PPFIA2: variants seen among roughly 807,000 people sequenced by gnomAD.
PPFIA2 encodes the protein liprin-alpha-2.
PPFIA2 carries 46 observed loss-of-function variants against 175.5 expected under a neutral mutation model. The ratio of observed to expected loss-of-function variants is 0.26; its 90% CI spans 0.21 to 0.34. The LOEUF (loss-of-function observed/expected upper bound fraction) is 0.34. PPFIA2 is among the 10% of genes least tolerant of loss of function. The pLI is 1.00. For synonymous variants in PPFIA2, 568 were observed against 511.4 expected, an observed-to-expected ratio of 1.11 and a Z score of -1.49; for missense variants, 1,179 against 1,506.1, an observed-to-expected ratio of 0.78 and a Z score of 3.60.
At chr12:81,697,196 A>C (rs1366111692) in intron 3 of PPFIA2, among the ~76,000 whole-genome samples, 3 of 152,140 alleles carry the variant, frequency 2.0e-5, no homozygotes, top group Non-Finnish European at 4.4e-5. Context: ...ATTCTCTTTC[A>C]ATTGAAAGGA....
intron 2 of PPFIA2, 113 bp downstream of exon 2, chr12:81,758,287 A>C (rs2085000174): frequency 7.0e-6 from 3 of 430,890 alleles, no homozygotes; most frequent in Non-Finnish European, 9.5e-6. Context: ...ACCTAACGGT[A>C]ATCAACAAGG....
intron 8 of PPFIA2, among the ~76,000 whole-genome samples, chr12:81,385,145 A>G (rs1354752518): frequency 1.3e-5 from 2 of 152,168 alleles, no homozygotes; most frequent in African/African-American, 4.8e-5. Flanking sequence ...TGCAAATTAA[A>G]ACCACGATGA....
intron 24 of PPFIA2, among the ~76,000 whole-genome samples, chr12:81,286,667 A>G (rs2043506163): frequency 6.6e-6 from 1 of 152,052 alleles, no homozygotes; most frequent in South Asian, 2.1e-4. Flanking sequence ...ATATATCTGC[A>G]TTAAGTGATA....
rs150002445 is a variant in PPFIA2, at chr12:81,493,585, T to C, written c.304-35719A>G. Among the ~76,000 whole-genome samples the C allele has an allele frequency of 1.6e-4, 24 of 151,658 alleles. 1 individual carries two copies. The East Asian group carries it at 4.7e-3, about 30-fold the overall frequency. On this transcript the variant is annotated intron_variant, in intron 4 of 32. Coordinates refer to ENST00000549396, the MANE Select transcript of PPFIA2 (RefSeq NM_003625.5). ...AATATTGTCAGGTTCACTGAAGAGA[T>C]AGGGGGCAACAGCCTGGGAAGATAC...
chr12:81,564,812 A>T (rs568323826), intron 4 of PPFIA2, among the ~76,000 whole-genome samples: 2 of 152,260 alleles, frequency 1.3e-5, no homozygotes, highest in African/African-American at 4.8e-5. Context: ...CCGGCTTCAA[A>T]AGCAGATACT....
At chr12:81,497,850 C>A (rs558156173) in intron 4 of PPFIA2, among the ~76,000 whole-genome samples, 5 of 152,010 alleles carry the variant, frequency 3.3e-5, no homozygotes, top group Non-Finnish European at 7.4e-5. Context: ...TCATAGTTGT[C>A]TTTTTTGATG....
intron 4 of PPFIA2, among the ~76,000 whole-genome samples, chr12:81,652,916 T>C (rs760616085): frequency 6.6e-6 from 1 of 152,126 alleles, no homozygotes; most frequent in Non-Finnish European, 1.5e-5. Flanking sequence ...GTAAATGTCA[T>C]GAGCATCTAT....
At chr12:81,395,018 TA>T (rs2040856145) in intron 8 of PPFIA2, among the ~76,000 whole-genome samples, 1 of 151,892 alleles carries the variant, frequency 6.6e-6, no homozygotes. Context: ...ACAATAACAA[TA>T]AATGAAAACT....
chr12:81,544,806 G>A (rs1567264274), intron 4 of PPFIA2, among the ~76,000 whole-genome samples: 1 of 152,146 alleles, frequency 6.6e-6, no homozygotes, highest in Admixed American at 6.6e-5. Context: ...TCCTATACAA[G>A]CTGCTTCCAA....
chr12:81,498,327 T>A (rs2060242771), intron 4 of PPFIA2, among the ~76,000 whole-genome samples: 1 of 152,160 alleles, frequency 6.6e-6, no homozygotes, highest in African/African-American at 2.4e-5. Context: ...CAGGATCCAA[T>A]TCAGGATACA....
intron 7 of PPFIA2, 154 bp downstream of exon 7, chr12:81,439,818 G>A: frequency 1.5e-6 from 1 of 667,506 alleles, no homozygotes. Flanking sequence ...CAGAAAACAA[G>A]ACTCCGGCAA....
intron 3 of PPFIA2, among the ~76,000 whole-genome samples, chr12:81,746,631 A>G (rs952987792): frequency 6.9e-6 from 1 of 144,454 alleles, no homozygotes; most frequent in Admixed American, 7.3e-5. Flanking sequence ...ATTTTAAGAA[A>G]TATATTTGAA....
chr12:81,628,481 A>G (rs2153492562), intron 4 of PPFIA2, among the ~76,000 whole-genome samples: 1 of 140,340 alleles, frequency 7.1e-6, no homozygotes, highest in Non-Finnish European at 1.5e-5. Flanking sequence ...GGTTTAAGGG[A>G]TTCTCCTGTC....
At chr12:81,307,710 A>G (rs1018778639) in intron 22 of PPFIA2, among the ~76,000 whole-genome samples, 4 of 151,964 alleles carry the variant, frequency 2.6e-5, no homozygotes, top group African/African-American at 7.3e-5. Flanking sequence ...TTTTTGTAAG[A>G]CTCACCTGTT....
chr12:81,681,431 G>T lies in PPFIA2; in HGVS notation c.250-4587C>A, dbSNP rs925051493. On this transcript the variant is annotated intron_variant, in intron 3 of 32. Coordinates refer to ENST00000549396, the MANE Select transcript of PPFIA2 (RefSeq NM_003625.5). ...TGGCCAGTGAATCAGAAGTCTTAAA[G>T]CTTGGGAAGGTTGAGCTCCAGGAAG... is the stretch of plus-strand genomic sequence containing the variant. Among the ~76,000 whole-genome samples the T allele has an allele frequency of 2.6e-5, 4 of 151,986 alleles. No homozygotes were observed. The East Asian group carries it at 7.8e-4, about 30-fold the overall frequency.
chr12:81,623,904 A>G (rs983855539), intron 4 of PPFIA2, among the ~76,000 whole-genome samples: 1 of 152,004 alleles, frequency 6.6e-6, no homozygotes, highest in African/African-American at 2.4e-5. Flanking sequence ...CAAACACCCT[A>G]CAACAAAAAA....
chr12:81,388,661 C>T (rs925046637), intron 8 of PPFIA2, among the ~76,000 whole-genome samples: 25 of 152,066 alleles, frequency 1.6e-4, no homozygotes, highest in African/African-American at 5.8e-4. Flanking sequence ...AATACATTTG[C>T]TTAAAAGCCT....
intron 28 of PPFIA2, among the ~76,000 whole-genome samples, chr12:81,273,960 T>C (rs2039862019): frequency 6.6e-6 from 1 of 151,784 alleles, no homozygotes; most frequent in Non-Finnish European, 1.5e-5. Context: ...TTTTATATTA[T>C]ACATGTTAAT....
intron 4 of PPFIA2, among the ~76,000 whole-genome samples, chr12:81,635,308 G>A (rs1464683717): frequency 6.6e-6 from 1 of 152,106 alleles, no homozygotes; most frequent in Non-Finnish European, 1.5e-5. Context: ...AATAAGAGCT[G>A]TCACTCATCA....
Sources: gnomAD v4.1 joint callset for allele counts (sites outside exome capture counted in the v4.1 genomes callset) on GRCh38, gnomAD v4.1.1 for gene constraint, MANE v1.5 for transcripts, NCBI Gene and HGNC (gene_info 2026-07-23, HGNC 2026-07-21) for gene names.